Variants in TPGS2 observed in about 807,000 individuals in gnomAD.
The protein encoded by TPGS2 is polyglutamylase subunit 2.
A neutral mutation model predicts 31.1 loss-of-function variants in TPGS2; 26 were observed. The observed-to-expected ratio is 0.84, with a 90% CI of 0.61 to 1.16. The LOEUF (loss-of-function observed/expected upper bound fraction) is 1.16, where lower values mean the gene tolerates loss of function less well. TPGS2 is among the 50% of genes most tolerant of loss of function. The pLI is 0.00. For synonymous variants in TPGS2, 130 were observed against 136.6 expected (o/e 0.95, Z 0.34); for missense variants, 351 against 363.8 (o/e 0.96, Z 0.29).
At chr18:36,800,620 A>G (rs188260287) in intron 4 of TPGS2, among the ~76,000 whole-genome samples, 3 of 152,238 alleles carry the variant, frequency 2.0e-5, no homozygotes, top group African/African-American at 7.2e-5. Context: ...TGCTGACATA[A>G]CTTCATTTCC....
At chr18:36,792,366 A>C (rs1473282273), downstream of TPGS2, among the ~76,000 whole-genome samples, 3 of 152,228 alleles carry the variant, frequency 2.0e-5, no homozygotes, top group African/African-American at 7.2e-5. Flanking sequence ...TGATGGATAC[A>C]TGGGGATTCA....
chr18:36,809,456 T>G (rs2045318001), intron 2 of TPGS2, among the ~76,000 whole-genome samples: 2 of 152,212 alleles, frequency 1.3e-5, no homozygotes, highest in Admixed American at 1.3e-4. Context: ...CTGATCAAGT[T>G]TTGTTTTTTC....
intron 1 of TPGS2, among the ~76,000 whole-genome samples, chr18:36,823,293 C>A (rs917108683): frequency 6.6e-6 from 1 of 152,220 alleles, no homozygotes; most frequent in African/African-American, 2.4e-5. Flanking sequence ...CTTTTGGTTG[C>A]AGGACTGAAG....
chr18:36,806,805 C>T (rs541309548), intron 3 of TPGS2, among the ~76,000 whole-genome samples: 126 of 136,324 alleles, frequency 9.2e-4, no homozygotes, highest in African/African-American at 3.4e-3. Flanking sequence ...GAGCAGAGAT[C>T]GCGCCACTGT....
Position 36,821,572 on chromosome 18 carries a change from G to T in TPGS2, c.86-2599C>A, listed in dbSNP as rs138066091. On this transcript the variant is annotated intron_variant, in intron 1 of 6. Coordinates refer to ENST00000334295, the MANE Select transcript of TPGS2 (RefSeq NM_015476.4). ...TTGGGAAATTAATGCTAGAGATTAGGAATTTAAGTAGGAGACACTGTTTCA... is the reference window on the plus strand; with the variant it reads ...TTGGGAAATTAATGCTAGAGATTAGTAATTTAAGTAGGAGACACTGTTTCA... Among the ~76,000 whole-genome samples the T allele has an allele frequency of 5.3e-5, 8 of 152,318 alleles. No homozygotes were observed. In the East Asian group the frequency reaches 1.5e-3, roughly 29 times the overall value.
chr18:36,795,190 C>G lies in TPGS2; in HGVS notation c.*1615G>C. 1.0e-6 allele frequency: 1 copy of G among 985,394 alleles called. No homozygotes were observed. The highest frequency in any genetic ancestry group is 1.2e-6 in the Non-Finnish European group (1 of 829,928). The allele number at this position is 985,394 out of a possible 1,614,324, so 61.0% of individuals were successfully genotyped here. Reference sequence around the variant, plus strand: ...AATATCTATCACTATTGTCAACAATCAAAATAAACATGTTTCAGAGCAAAA... The same window carrying G: ...AATATCTATCACTATTGTCAACAATGAAAATAAACATGTTTCAGAGCAAAA... On this transcript the variant is annotated 3_prime_UTR_variant, in exon 7 of 7. Coordinates refer to ENST00000334295, the MANE Select transcript of TPGS2 (RefSeq NM_015476.4).
chr18:36,789,035 T>G (rs964903983), intron 6 of TPGS2: 1 of 152,172 alleles, frequency 6.6e-6, no homozygotes, highest in Non-Finnish European at 1.5e-5. Flanking sequence ...CTAGAGAGGC[T>G]GGGGCTGCCT....
rs72883565 is a variant in TPGS2 at position 36,800,185 on chromosome 18, A to G, written c.496+13T>C. 235,373 of 1,612,056 alleles carry G rather than the reference A, an allele frequency of 0.15. 18,847 individuals carry two copies. Among genetic ancestry groups the G allele is most frequent in the Admixed American group, 0.17 (10,034 of 59,966 alleles). On this transcript the variant is annotated intron_variant, in intron 5 of 6. Coordinates refer to ENST00000334295, the MANE Select transcript of TPGS2 (RefSeq NM_015476.4). ...AGCCAAACTACGGGACCACGCTTGT[A>G]AACAATTCTTACCTGGTTTCCCACT...
chr18:36,803,896 T>A (rs569435723), intron 4 of TPGS2, among the ~76,000 whole-genome samples: 1 of 152,186 alleles, frequency 6.6e-6, no homozygotes. Context: ...GTTGTGTTTT[T>A]TTTTTAAATA....
intron 6 of TPGS2, among the ~76,000 whole-genome samples, chr18:36,788,364 G>C (rs2044195968): frequency 6.6e-6 from 1 of 152,278 alleles, no homozygotes; most frequent in Middle Eastern, 3.4e-3. Context: ...GGAACCACCA[G>C]GCACTTAAAC....
chr18:36,801,230 G>A (rs893469787), intron 4 of TPGS2, among the ~76,000 whole-genome samples: 2 of 152,222 alleles, frequency 1.3e-5, no homozygotes, highest in African/African-American at 2.4e-5. Context: ...GATGTTGCCA[G>A]ATTGCTCTTC....
At chr18:36,819,232 TTA>T (rs2045793308) in intron 1 of TPGS2, among the ~76,000 whole-genome samples, 1 of 152,180 alleles carries the variant, frequency 6.6e-6, no homozygotes, top group Non-Finnish European at 1.5e-5. Flanking sequence ...GTCATTAATC[TTA>T]TTGAACAAAA....
chr18:36,800,796 TCTC>T (rs1165730555), intron 4 of TPGS2, among the ~76,000 whole-genome samples: 2 of 152,044 alleles, frequency 1.3e-5, no homozygotes, highest in South Asian at 2.1e-4. Flanking sequence ...TTGAAGCAAT[TCTC>T]CTACTTCAGC....
chr18:36,788,968 C>G (rs2044217128), intron 6 of TPGS2: 1 of 152,246 alleles, frequency 6.6e-6, no homozygotes, highest in Non-Finnish European at 1.5e-5. Flanking sequence ...ATCCTGAAGA[C>G]CTAGAACCTG....
Position 36,796,115 on chromosome 18 carries a change from C to G in TPGS2, c.*690G>C. ...TATAGGAAGCTGCAAAAGAAATGAG[C>G]AGAGCGAGATATTTGTGGTAAGGGA... On this transcript the variant is annotated 3_prime_UTR_variant, in exon 7 of 7. Coordinates refer to ENST00000334295, the MANE Select transcript of TPGS2 (RefSeq NM_015476.4). The G allele has an allele frequency of 1.0e-6, 1 of 985,370 alleles. No individual in the cohort carries two copies. The allele number at this position is 985,370 out of a possible 1,614,324, so 61.0% of individuals were successfully genotyped here.
rs948597347 is a variant in TPGS2 at position 36,794,512 on chromosome 18, T to C, written c.*2293A>G. ...TGTGATTCGGGGGATCTCCAAGTAC[T>C]AAAAAAGGGGTATCTGCTGCAGTGG... On this transcript the variant is annotated 3_prime_UTR_variant, in exon 7 of 7. Coordinates refer to ENST00000334295, the MANE Select transcript of TPGS2 (RefSeq NM_015476.4). 7.1e-6 allele frequency: 7 copies of C among 985,224 alleles called. No individual in the cohort carries two copies. In the African/African-American group the frequency reaches 1.2e-4, roughly 17 times the overall value. The allele number at this position is 985,224 out of a possible 1,614,324, so 61.0% of individuals were successfully genotyped here. A position where few individuals can be genotyped will look rare whatever the true frequency, so the allele number is the denominator to read the frequency against.
At chr18:36,812,005 A>C (rs1053773009) in intron 2 of TPGS2, among the ~76,000 whole-genome samples, 1 of 152,226 alleles carries the variant, frequency 6.6e-6, no homozygotes, top group Non-Finnish European at 1.5e-5. Flanking sequence ...AAATGTAAAC[A>C]CAAGTCCAAA....
At chr18:36,784,584 A>G (rs2044087654) in intron 6 of TPGS2, among the ~76,000 whole-genome samples, 1 of 152,240 alleles carries the variant, frequency 6.6e-6, no homozygotes, top group Admixed American at 6.5e-5. Flanking sequence ...TGTGTTTGCT[A>G]GACAATTTGT....
chr18:36,812,670 G>A (rs1354808089), intron 2 of TPGS2, among the ~76,000 whole-genome samples: 1 of 152,204 alleles, frequency 6.6e-6, no homozygotes, highest in Non-Finnish European at 1.5e-5. Flanking sequence ...TGAGGAGGGG[G>A]TCATGGGAAC....
Sources: gnomAD v4.1 joint callset for allele counts (sites outside exome capture counted in the v4.1 genomes callset) on GRCh38, gnomAD v4.1.1 for gene constraint, MANE v1.5 for transcripts, NCBI Gene and HGNC (gene_info 2026-07-23, HGNC 2026-07-21) for gene names.